ZNF618: variants seen among roughly 807,000 people sequenced by gnomAD.
ZNF618 encodes the protein zinc finger protein 618, also known as neural precursor cell expressed, developmentally down-regulated 10.
In ZNF618, 34 loss-of-function variants were observed where a neutral mutation model predicts 103.0. The observed-to-expected ratio is 0.33, with a 90% CI of 0.25 to 0.44. ZNF618 has a LOEUF of 0.44. ZNF618 is among the 20% of genes least tolerant of loss of function. The pLI is 1.00. For missense variants in ZNF618, 1,059 were observed against 1,295.4 expected (o/e 0.82, Z 2.80); for synonymous variants, 551 against 542.2 (o/e 1.02, Z -0.23).
At chr9:113,904,005 C>A (rs1216479829) in intron 1 of ZNF618, among the ~76,000 whole-genome samples, 1 of 146,872 alleles carries the variant, frequency 6.8e-6, no homozygotes, top group African/African-American at 2.5e-5. Context: ...CCTTCTTCAC[C>A]CCTCCTTTTT....
chr9:114,005,491 A>C (rs1195762774), intron 6 of ZNF618, among the ~76,000 whole-genome samples: 1 of 152,154 alleles, frequency 6.6e-6, no homozygotes, highest in African/African-American at 2.4e-5. Flanking sequence ...TGGAGGTAAC[A>C]GATGTGGCCC....
chr9:113,999,176 A>C lies in ZNF618; in HGVS notation c.433+822A>C, dbSNP rs545186641. Among the ~76,000 whole-genome samples the C allele has an allele frequency of 2.6e-5, 4 of 152,304 alleles. 1 individual carries two copies. Among genetic ancestry groups the C allele is most frequent in the African/African-American group, 9.6e-5 (4 of 41,578 alleles). ...CATCACAAAGGGGAACCTGAAGCCC[A>C]GAGTCGGGCTGAGCGAGGCGCAGGT... On this transcript the variant is annotated intron_variant, in intron 4 of 14. Coordinates refer to ENST00000374126, the MANE Select transcript of ZNF618 (RefSeq NM_001318042.2).
intron 1 of ZNF618, among the ~76,000 whole-genome samples, chr9:113,954,079 G>A (rs1836022988): frequency 6.6e-6 from 1 of 152,106 alleles, no homozygotes; most frequent in South Asian, 2.1e-4. Flanking sequence ...AAGAGGTTCT[G>A]GGGGTTGAGT....
rs773754241 is a variant in ZNF618, at chr9:114,050,216, A to G, written c.*49A>G. 21 of 1,498,666 alleles carry G rather than the reference A, an allele frequency of 1.4e-5. No homozygotes were observed. In the East Asian group the frequency reaches 4.1e-4, roughly 29 times the overall value. 92.8% of individuals were successfully genotyped at this position (1,498,666 alleles called of 1,614,324 possible). On this transcript the variant is annotated 3_prime_UTR_variant, in exon 15 of 15. Transcript: ENST00000374126. ...AAGAAAAAGAGAAGATAACATTAGA[A>G]AAAAACCACACAACACTGTCACAAA...
chr9:114,028,675 G>A (rs906751322), intron 10 of ZNF618, 58 bp from the exon 11 acceptor site: 2 of 1,515,834 alleles, frequency 1.3e-6, no homozygotes, highest in Non-Finnish European at 1.8e-6. Flanking sequence ...TGGCCCGAGA[G>A]GCCACTCACT....
At chr9:113,939,962 T>C (rs1007460279) in intron 1 of ZNF618, among the ~76,000 whole-genome samples, 2 of 152,008 alleles carry the variant, frequency 1.3e-5, no homozygotes, top group Non-Finnish European at 2.9e-5. Context: ...CTTTAACTTC[T>C]GTTTATTTTT....
intron 11 of ZNF618, 53 bp downstream of exon 11, chr9:114,029,025 C>T: frequency 1.2e-5 from 18 of 1,518,736 alleles, no homozygotes; most frequent in Non-Finnish European, 1.6e-5. Context: ...CCCTTCTCAC[C>T]ACCTGCCACA....
intron 10 of ZNF618, among the ~76,000 whole-genome samples, chr9:114,017,144 C>G (rs776521098): frequency 6.6e-6 from 1 of 152,218 alleles, no homozygotes; most frequent in East Asian, 1.9e-4. Flanking sequence ...AAAGCCAGTT[C>G]CGCATGATGC....
chr9:114,000,802 A>C (rs1048463305), intron 4 of ZNF618, among the ~76,000 whole-genome samples: 1 of 152,158 alleles, frequency 6.6e-6, no homozygotes, highest in Non-Finnish European at 1.5e-5. Flanking sequence ...ACACCAACAC[A>C]CTTGAGTCAT....
At chr9:113,988,698 G>T (rs1839728563) in intron 3 of ZNF618, 118 bp downstream of exon 3, 3 of 1,389,866 alleles carry the variant, frequency 2.2e-6, no homozygotes, top group African/African-American at 1.4e-5. Context: ...ACCTTTGCTG[G>T]CTTCCCTCTG....
At chr9:113,888,935 C>T (rs1430919617) in intron 1 of ZNF618, among the ~76,000 whole-genome samples, 2 of 152,152 alleles carry the variant, frequency 1.3e-5, no homozygotes, top group Non-Finnish European at 1.5e-5. Flanking sequence ...GAGAGATTTA[C>T]AAGGTAAGGT....
intron 7 of ZNF618, 60 bp from the exon 8 acceptor site, chr9:114,008,284 C>G (rs368916379): frequency 6.2e-7 from 1 of 1,607,010 alleles, no homozygotes; most frequent in African/African-American, 1.3e-5. Flanking sequence ...TGGGCAGGGA[C>G]TAACAGGGCT....
chr9:114,005,158 T>A lies in ZNF618; in HGVS notation c.551-2192T>A, dbSNP rs924045995. Among the ~76,000 whole-genome samples the A allele has an allele frequency of 5.3e-5, 8 of 152,218 alleles. 1 individual carries two copies. The highest frequency in any genetic ancestry group is 3.9e-4 in the Admixed American group (6 of 15,284). On this transcript the variant is annotated intron_variant, in intron 6 of 14. Coordinates refer to ENST00000374126, the MANE Select transcript of ZNF618 (RefSeq NM_001318042.2). ...AGGTGCAGAGGTTAGGCAGCATGTC[T>A]GAGGTCTGCCGCACTTATACCTGGT...
Position 113,886,192 on chromosome 9 carries a change from C to CT in ZNF618, c.33+9783dup, listed in dbSNP as rs1017002288. On this transcript the variant is annotated intron_variant, in intron 1 of 14. Transcript: ENST00000374126. ...CTGGTAGCACTCAAAGTCAAAAGTGCTTTTGGCTTGCTTACTGGATGTGTT... is the reference window on the plus strand; with the variant it reads ...CTGGTAGCACTCAAAGTCAAAAGTGCTTTTTGGCTTGCTTACTGGATGTGTT... Among the ~76,000 whole-genome samples, 129 of 152,316 alleles carry CT rather than the reference C, an allele frequency of 8.5e-4. 1 individual carries two copies. The highest frequency in any genetic ancestry group is 3.0e-3 in the African/African-American group (125 of 41,582).
At chr9:114,026,080 C>G (rs1014177318) in intron 10 of ZNF618, among the ~76,000 whole-genome samples, 1 of 152,090 alleles carries the variant, frequency 6.6e-6, no homozygotes, top group Non-Finnish European at 1.5e-5. Context: ...ATAAATGGTC[C>G]CAGATGGGGA....
intron 1 of ZNF618, among the ~76,000 whole-genome samples, chr9:113,945,932 C>T (rs903364700): frequency 2.6e-5 from 4 of 152,230 alleles, no homozygotes; most frequent in Admixed American, 6.5e-5. Flanking sequence ...CACGCTTATG[C>T]TCTTGATCCA....
At chr9:114,048,572 T>A (rs1845861106) in intron 14 of ZNF618, 79 bp from the exon 15 acceptor site, 5 of 1,434,086 alleles carry the variant, frequency 3.5e-6, no homozygotes, top group African/African-American at 2.8e-5. Flanking sequence ...TACTAGATGT[T>A]TAGAGTGTTA....
rs561130501 is a variant in ZNF618 at position 114,025,504 on chromosome 9, A to G, written c.845-3229A>G. Among the ~76,000 whole-genome samples the G allele has an allele frequency of 4.0e-5, 6 of 151,446 alleles. No homozygotes were observed. In the South Asian group the frequency reaches 1.0e-3, roughly 26 times the overall value. On this transcript the variant is annotated intron_variant, in intron 10 of 14. Transcript: ENST00000374126. ...TAGATACTGCATGTGTGTTTCCTAC[A>G]GGGGAAGTCAGCCAGTCTGTCTGAG...
chr9:114,029,952 G>A (rs1407888694), intron 11 of ZNF618, among the ~76,000 whole-genome samples: 1 of 152,238 alleles, frequency 6.6e-6, no homozygotes, highest in East Asian at 1.9e-4. Context: ...GATGGAACCA[G>A]CCCTGGGCCA....
Sources: gnomAD v4.1 joint callset for allele counts (sites outside exome capture counted in the v4.1 genomes callset) on GRCh38, gnomAD v4.1.1 for gene constraint, MANE v1.5 for transcripts, NCBI Gene and HGNC (gene_info 2026-07-23, HGNC 2026-07-21) for gene names.